The following DPF3 variants were observed in gnomAD, a reference collection of about 807,000 sequenced individuals.
DPF3 encodes double PHD fingers 3.
In DPF3, 18 loss-of-function variants were observed where a neutral mutation model predicts 56.8. The observed-to-expected ratio is 0.32, with a 90% CI of 0.22 to 0.47. The LOEUF is 0.47. Among genes scored for constraint, DPF3 ranks in the 20% least tolerant of loss-of-function variants. The pLI is 1.00. For synonymous variants in DPF3, 188 were observed against 180.2 expected, an observed-to-expected ratio of 1.04 and a Z score of -0.35; for missense variants, 403 against 488.8, an observed-to-expected ratio of 0.82 and a Z score of 1.65.
intron 2 of DPF3, among the ~76,000 whole-genome samples, chr14:72,765,069 A>G (rs1231504619): frequency 6.6e-6 from 1 of 152,242 alleles, no homozygotes; most frequent in Admixed American, 6.5e-5. Context: ...ACATCTGCTC[A>G]CAGAAATATT....
chr14:72,753,666 C>A (rs1890671487), intron 2 of DPF3, among the ~76,000 whole-genome samples: 1 of 152,174 alleles, frequency 6.6e-6, no homozygotes, highest in Non-Finnish European at 1.5e-5. Flanking sequence ...CCAACTGGAC[C>A]TTCAGACAAG....
At chr14:72,874,947 T>A (rs35020117) in intron 1 of DPF3, among the ~76,000 whole-genome samples, 2 of 151,544 alleles carry the variant, frequency 1.3e-5, no homozygotes, top group Non-Finnish European at 2.9e-5. Flanking sequence ...AGAAAAAGAG[T>A]TTTAATTGGA....
rs543049174 is a variant in DPF3, at chr14:72,699,608, C to T, written c.605-6395G>A. 4.1e-4 allele frequency among the ~76,000 whole-genome samples: 62 copies of T among 151,658 alleles called. No homozygotes were observed. In the South Asian group the frequency reaches 4.4e-3, roughly 11 times the overall value. ...AAGCCAAAGGAACAGGGTTTCAAGA[C>T]GACAGTAACAATGACACCACCAGTC... is the stretch of plus-strand genomic sequence containing the variant. On this transcript the variant is annotated intron_variant, in intron 6 of 10. Transcript: ENST00000556509.
intron 1 of DPF3, among the ~76,000 whole-genome samples, chr14:72,859,362 A>G (rs1885292921): frequency 6.6e-6 from 1 of 152,048 alleles, no homozygotes; most frequent in Non-Finnish European, 1.5e-5. Context: ...AAGCTAAGCT[A>G]AGCACCCAGC....
intron 1 of DPF3, among the ~76,000 whole-genome samples, chr14:72,875,656 T>C: frequency 6.6e-6 from 1 of 152,192 alleles, no homozygotes; most frequent in East Asian, 1.9e-4. Flanking sequence ...CTCCCCACCA[T>C]GGAGTGTCTG....
At chr14:72,871,140 G>GC (rs1885885148) in intron 1 of DPF3, among the ~76,000 whole-genome samples, 1 of 152,082 alleles carries the variant, frequency 6.6e-6, no homozygotes, top group Non-Finnish European at 1.5e-5. Flanking sequence ...GGAAAGACCA[G>GC]CCCCCATGAT....
At chr14:72,771,680 C>T in intron 2 of DPF3, 53 bp downstream of exon 2, 8 of 1,554,406 alleles carry the variant, frequency 5.1e-6, no homozygotes, top group Non-Finnish European at 6.9e-6. Context: ...GGTCCTCCTC[C>T]CTCCAGGCTG....
At chr14:72,776,801 G>T (rs1891758953) in intron 1 of DPF3, among the ~76,000 whole-genome samples, 1 of 150,014 alleles carries the variant, frequency 6.7e-6, no homozygotes, top group South Asian at 2.1e-4. Context: ...GAGTCCAATA[G>T]CAAGTTTCTC....
chr14:72,802,081 G>A (rs1195144211), intron 1 of DPF3, among the ~76,000 whole-genome samples: 1 of 152,112 alleles, frequency 6.6e-6, no homozygotes, highest in Non-Finnish European at 1.5e-5. Flanking sequence ...GCACCAACAA[G>A]TGGCACCATG....
chr14:72,704,692 T>C (rs1226130864), intron 6 of DPF3, among the ~76,000 whole-genome samples: 2 of 152,062 alleles, frequency 1.3e-5, no homozygotes, highest in Admixed American at 1.3e-4. Flanking sequence ...CAAAATTACT[T>C]CCCCTTTTAG....
chr14:72,651,856 C>G (rs1186356055), intron 8 of DPF3, among the ~76,000 whole-genome samples: 1 of 152,204 alleles, frequency 6.6e-6, no homozygotes, highest in African/African-American at 2.4e-5. Flanking sequence ...GAGCAGCTGG[C>G]TCTTTGCAAC....
chr14:72,753,595 A>G (rs574358084), intron 2 of DPF3, among the ~76,000 whole-genome samples: 2 of 152,240 alleles, frequency 1.3e-5, no homozygotes, highest in South Asian at 4.2e-4. Context: ...CAGCAAGCCC[A>G]TGCCAACGAG....
Position 72,747,737 on chromosome 14 carries a change from T to C in DPF3, c.301+5527A>G, listed in dbSNP as rs111569069. On this transcript the variant is annotated intron_variant, in intron 3 of 10. Transcript: ENST00000556509. ...GTGGGAGGGACCCAGTGGGAGATGA[T>C]CAAATCATGGGGGAGGGTCTTTCCC... Among the ~76,000 whole-genome samples the C allele has an allele frequency of 7.3e-3, 1,116 of 152,186 alleles. 15 individuals carry two copies. Among genetic ancestry groups the C allele is most frequent in the African/African-American group, 0.026 (1,077 of 41,524 alleles).
chr14:72,711,394 A>G (rs945243091), intron 6 of DPF3, among the ~76,000 whole-genome samples: 1 of 152,158 alleles, frequency 6.6e-6, no homozygotes, highest in African/African-American at 2.4e-5. Context: ...GATTTATGGA[A>G]GAAGGAATAA....
chr14:72,703,451 G>A (rs1888265872), intron 6 of DPF3, among the ~76,000 whole-genome samples: 1 of 152,158 alleles, frequency 6.6e-6, no homozygotes, highest in South Asian at 2.1e-4. Flanking sequence ...ACAGAGACAA[G>A]CAACCAGACT....
In DPF3 at chr14:72,672,060, GAC is replaced by G. The variant is rs369762823; in HGVS notation, c.871+2178_871+2179del. Among the ~76,000 whole-genome samples, 1,288 of 132,856 alleles carry G rather than the reference GAC, an allele frequency of 9.7e-3. 23 individuals carry two copies. The highest frequency in any genetic ancestry group is 0.035 in the African/African-American group (1,128 of 32,004). 87.2% of individuals were successfully genotyped at this position (132,856 alleles called of 152,430 possible). ...ACACACACACACACACACACACACA[GAC>G]ACACACACACACACACACACACCCA... On this transcript the variant is annotated intron_variant, in intron 8 of 10. Coordinates refer to ENST00000556509, the MANE Select transcript of DPF3 (RefSeq NM_001280542.3).
At chr14:72,835,221 C>T (rs2140058533) in intron 1 of DPF3, among the ~76,000 whole-genome samples, 1 of 152,264 alleles carries the variant, frequency 6.6e-6, no homozygotes, top group East Asian at 1.9e-4. Flanking sequence ...GTGCACGCCA[C>T]CATGCCCCGC....
At chr14:72,893,137 CAA>C (rs1886840939) in intron 1 of DPF3, among the ~76,000 whole-genome samples, 1 of 152,200 alleles carries the variant, frequency 6.6e-6, no homozygotes, top group African/African-American at 2.4e-5. Flanking sequence ...GGCAAGCGCT[CAA>C]AGTCTCCCCG....
At chr14:72,715,861 G>A (rs1378560601) in intron 5 of DPF3, among the ~76,000 whole-genome samples, 20 of 113,922 alleles carry the variant, frequency 1.8e-4, no homozygotes, top group Admixed American at 3.9e-4. Flanking sequence ...CCCCTGCAGC[G>A]CTGACAGCCA....
Sources: gnomAD v4.1 joint callset for allele counts (sites outside exome capture counted in the v4.1 genomes callset) on GRCh38, gnomAD v4.1.1 for gene constraint, MANE v1.5 for transcripts, NCBI Gene and HGNC (gene_info 2026-07-23, HGNC 2026-07-21) for gene names.